Variants in INPP4A observed in about 807,000 individuals in gnomAD.
INPP4A encodes the protein inositol polyphosphate-4-phosphatase, type I, 107kD.
INPP4A carries 33 observed loss-of-function variants against 119.8 expected under a neutral mutation model. That is an observed-to-expected ratio of 0.28 (90% CI 0.21 to 0.37). The LOEUF is 0.37. Among genes scored for constraint, INPP4A ranks in the 10% least tolerant of loss-of-function variants. The pLI is 1.00. For missense variants in INPP4A, 956 were observed against 1,289.9 expected, an observed-to-expected ratio of 0.74 and a Z score of 3.97; for synonymous variants, 496 against 500.7, an observed-to-expected ratio of 0.99 and a Z score of 0.12.
At chr2:98,477,827 A>G (rs1677573279) in intron 1 of INPP4A, among the ~76,000 whole-genome samples, 1 of 152,184 alleles carries the variant, frequency 6.6e-6, no homozygotes, top group African/African-American at 2.4e-5. Context: ...GGGCCCCTCT[A>G]ATGTGGACAG....
chr2:98,491,332 G>A (rs1251092873), intron 1 of INPP4A, among the ~76,000 whole-genome samples: 1 of 152,212 alleles, frequency 6.6e-6, no homozygotes, highest in African/African-American at 2.4e-5. Context: ...GCGCCACGTA[G>A]GGCCTGGGGA....
Position 98,590,705 on chromosome 2 carries a change from T to C in INPP4A, c.*3097T>C, listed in dbSNP as rs144583625. ...CATCTTGCACCACTGTGCCGTCTTC[T>C]AGGCACACACGACCCGTTATCTCCC... On this transcript the variant is annotated 3_prime_UTR_variant, in exon 25 of 25. Coordinates refer to ENST00000409851, the MANE Select transcript of INPP4A (RefSeq NM_001134225.2). 20 of 218,436 alleles carry C rather than the reference T, an allele frequency of 9.2e-5. No individual in the cohort carries two copies. The highest frequency in any genetic ancestry group is 2.7e-4 in the East Asian group (4 of 14,700). The allele number at this position is 218,436 out of a possible 1,614,324, so 13.5% of individuals were successfully genotyped here. A position where few individuals can be genotyped will look rare whatever the true frequency, so the allele number is the denominator to read the frequency against.
intron 1 of INPP4A, among the ~76,000 whole-genome samples, chr2:98,494,939 C>T (rs192529401): frequency 1.1e-4 from 16 of 152,288 alleles, no homozygotes; most frequent in Admixed American, 3.3e-4. Context: ...ACAGACAGCC[C>T]TGATAAAATG....
At chr2:98,568,971 T>C (rs1575126199) in intron 22 of INPP4A, 2 of 258,276 alleles carry the variant, frequency 7.7e-6, no homozygotes, top group East Asian at 8.3e-5. Flanking sequence ...CTGGTAGGAC[T>C]TGGGGGAATC....
intron 1 of INPP4A, among the ~76,000 whole-genome samples, chr2:98,500,578 T>C (rs889248184): frequency 5.3e-5 from 8 of 152,106 alleles, no homozygotes; most frequent in Non-Finnish European, 1.0e-4. Context: ...CAACTCCCAA[T>C]ACAGCACGGG....
chr2:98,536,930 A>T (rs1334900537), intron 7 of INPP4A, among the ~76,000 whole-genome samples: 3 of 152,238 alleles, frequency 2.0e-5, no homozygotes, highest in Non-Finnish European at 1.5e-5. Flanking sequence ...GTTTGTTTAG[A>T]GAACTTGATT....
intron 1 of INPP4A, among the ~76,000 whole-genome samples, chr2:98,451,700 A>G (rs1380817142): frequency 6.6e-5 from 10 of 151,950 alleles, no homozygotes. Context: ...AGCATATTGA[A>G]CGCCCTTCTT....
chr2:98,537,441 G>C (rs1344674300), intron 7 of INPP4A, among the ~76,000 whole-genome samples: 1 of 152,216 alleles, frequency 6.6e-6, no homozygotes, highest in Non-Finnish European at 1.5e-5. Context: ...GCTAATATAA[G>C]CCTCAAGGTG....
chr2:98,490,555 T>C (rs1680508953), intron 1 of INPP4A, among the ~76,000 whole-genome samples: 1 of 152,164 alleles, frequency 6.6e-6, no homozygotes, highest in South Asian at 2.1e-4. Context: ...GTGAGGGAGT[T>C]TGACACTTCA....
intron 1 of INPP4A, among the ~76,000 whole-genome samples, chr2:98,448,786 C>T (rs567476706): frequency 1.3e-5 from 2 of 150,788 alleles, no homozygotes; most frequent in Admixed American, 1.3e-4. Flanking sequence ...CTCACTACAG[C>T]TTGGACCTAC....
At position 98,520,734 on chromosome 2, in the gene INPP4A, A is replaced by G. The variant is rs1437749233; in HGVS notation, c.151+3A>G. 3.5e-6 allele frequency: 5 copies of G among 1,438,122 alleles called. No homozygotes were observed. Among genetic ancestry groups the G allele is most frequent in the Admixed American group, 2.2e-5 (1 of 46,182 alleles). The allele number at this position is 1,438,122 out of a possible 1,614,324, so 89.1% of individuals were successfully genotyped here. ...GCCCATTTTAGAATTTAGCTTAGGT[A>G]GGTATCTTTCATTATTTTTTTGTTT... On this transcript the variant is annotated splice_donor_region_variant and intron_variant, in intron 4 of 24. Coordinates refer to ENST00000409851, the MANE Select transcript of INPP4A (RefSeq NM_001134225.2).
intron 22 of INPP4A, among the ~76,000 whole-genome samples, chr2:98,571,163 C>T (rs145075419): frequency 1.7e-4 from 26 of 152,286 alleles, no homozygotes; most frequent in African/African-American, 6.0e-4. Context: ...GTCACATGCT[C>T]GCCACAAGCT....
At chr2:98,475,847 G>C (rs1677094328) in intron 1 of INPP4A, among the ~76,000 whole-genome samples, 1 of 152,182 alleles carries the variant, frequency 6.6e-6, no homozygotes, top group Non-Finnish European at 1.5e-5. Context: ...CACCTTGCCT[G>C]CCACTAATTT....
In INPP4A at chr2:98,570,272, G is replaced by A. The variant is rs566964913; in HGVS notation, c.2518+1604G>A. ...GCCCTTTGGTGGTTGAGGCCACTGA[G>A]TGACAAGACGAGAAGGGGCTGGAAC... On this transcript the variant is annotated intron_variant, in intron 22 of 24. Transcript: ENST00000409851. The surrounding 1 kb of genome is among the most constrained non-coding windows in gnomAD (Gnocchi z 4.3). 2.0e-5 allele frequency among the ~76,000 whole-genome samples: 3 copies of A among 152,374 alleles called. No homozygotes were observed. Among genetic ancestry groups the A allele is most frequent in the Admixed American group, 1.3e-4 (2 of 15,306 alleles).
rs1247634015 is a variant in INPP4A, at chr2:98,570,389, G to A, written c.2518+1721G>A. On this transcript the variant is annotated intron_variant, in intron 22 of 24. Transcript: ENST00000409851. The surrounding 1 kb of genome is among the most constrained non-coding windows in gnomAD (Gnocchi z 4.3). ...GAGCATCACAGGCTAGCAGGAAGAA[G>A]GCAGGAGCCAGGAGGGTGTGGGGCG... Among the ~76,000 whole-genome samples the A allele has an allele frequency of 6.6e-6, 1 of 152,222 alleles. No homozygotes were observed. The highest frequency in any genetic ancestry group is 1.5e-5 in the Non-Finnish European group (1 of 68,034).
chr2:98,513,997 T>C (rs1685623534), intron 1 of INPP4A, among the ~76,000 whole-genome samples: 1 of 152,088 alleles, frequency 6.6e-6, no homozygotes, highest in Non-Finnish European at 1.5e-5. Context: ...AAGGTCTGAG[T>C]AGATCCCTGG....
chr2:98,480,704 C>T (rs575460030), intron 1 of INPP4A, among the ~76,000 whole-genome samples: 1 of 152,232 alleles, frequency 6.6e-6, no homozygotes, highest in Non-Finnish European at 1.5e-5. Context: ...GTCCCTCACT[C>T]CTGGCCCCCA....
chr2:98,491,814 A>G (rs11676357), intron 1 of INPP4A, among the ~76,000 whole-genome samples: 73,119 of 151,980 alleles, frequency 0.48, 17,929 homozygotes, highest in African/African-American at 0.53. Flanking sequence ...ATCAGGGAAG[A>G]ATATACAGAT....
rs1301676098 is a variant in INPP4A at position 98,559,485 on chromosome 2, G to T, written c.1845G>T (p.Glu615Asp). The T allele has an allele frequency of 3.1e-6, 5 of 1,613,896 alleles. No individual in the cohort carries two copies. In the Admixed American group the frequency reaches 5.0e-5, roughly 16 times the overall value. ...CAGATTGCAGTCCCCCTCCTGAAGA[G>T]TCCAGCCCAGGTACGTGGTTTCCGT... Reference protein sequence around the residue: ...LTTHCSPPPEESSPGEWSEAL... With the variant: ...LTTHCSPPPEDSSPGEWSEAL... The change falls in exon 17 of 25, where the codon GAG becomes GAT. Residue 615 changes from glutamate to aspartate, a missense_variant. Coordinates refer to ENST00000409851, the MANE Select transcript of INPP4A (RefSeq NM_001134225.2).
Sources: gnomAD v4.1 joint callset for allele counts (sites outside exome capture counted in the v4.1 genomes callset) on GRCh38, gnomAD v4.1.1 for gene constraint, Gnocchi (gnomAD v3.1) non-coding constraint, MANE v1.5 for transcripts, NCBI Gene and HGNC (gene_info 2026-07-23, HGNC 2026-07-21) for gene names.